The following DBH variants were observed in gnomAD, a reference collection of about 807,000 sequenced individuals.
DBH encodes the protein dopamine beta-hydroxylase (dopamine beta-monooxygenase).
A neutral mutation model predicts 64.0 loss-of-function variants in DBH; 49 were observed. The ratio of observed to expected loss-of-function variants is 0.77; its 90% CI spans 0.61 to 0.97. The LOEUF is 0.97. DBH is among the 50% of genes least tolerant of loss of function. DBH has a pLI of 0.00. For synonymous variants in DBH, 343 were observed against 347.1 expected (o/e 0.99, Z 0.13); for missense variants, 828 against 826.6 (o/e 1.00, Z -0.02).
At chr9:133,644,031 G>A (rs1399178998) in intron 4 of DBH, among the ~76,000 whole-genome samples, 187 bp from the exon 5 acceptor site, 1 of 152,166 alleles carries the variant, frequency 6.6e-6, no homozygotes, top group African/African-American at 2.4e-5. Flanking sequence ...TCCCTGACCC[G>A]AGTCTCACAG....
Position 133,656,551 on chromosome 9 carries a change from G to A in DBH, c.1463G>A (p.Cys488Tyr). 6.2e-7 allele frequency: 1 copy of A among 1,613,948 alleles called. No homozygotes were observed. Among genetic ancestry groups the A allele is most frequent in the Non-Finnish European group, 8.5e-7 (1 of 1,180,006 alleles). The change falls in exon 10 of 12, where the codon TGT becomes TAT. Residue 488 changes from cysteine (C) to tyrosine (Y), a missense_variant. By Grantham distance (194) the Cys-to-Tyr change is radical. Transcript: ENST00000393056. ...VGGFGILEEM[C>Y]VNYVHYYPQT... ...GGCTTCGGGATCCTGGAGGAGATGT[G>A]TGTCAACTACGTGCACTACTACCCC...
At chr9:133,656,868 G>A (rs1045629294) in intron 10 of DBH, among the ~76,000 whole-genome samples, 9 of 152,164 alleles carry the variant, frequency 5.9e-5, no homozygotes, top group East Asian at 3.9e-4. Context: ...TTACCCACCC[G>A]CCAAGGTGAC....
At chr9:133,656,027 G>C (rs555113909) in intron 9 of DBH, 14 of 236,540 alleles carry the variant, frequency 5.9e-5, no homozygotes, top group Middle Eastern at 1.6e-3. Context: ...TCCCCTCAGA[G>C]CCACGTTGGA....
At chr9:133,644,056 G>A (rs1012130812) in intron 4 of DBH, among the ~76,000 whole-genome samples, 162 bp from the exon 5 acceptor site, 3 of 152,168 alleles carry the variant, frequency 2.0e-5, no homozygotes, top group Admixed American at 6.5e-5. Flanking sequence ...TTCCTGGGGC[G>A]TGTAATGAGC....
intron 9 of DBH, chr9:133,655,215 C>G (rs1832301079): frequency 6.6e-6 from 1 of 152,280 alleles, no homozygotes; most frequent in African/African-American, 2.4e-5. Flanking sequence ...GGGAGGGCAG[C>G]TCCCCAGGTG....
In DBH at chr9:133,640,066, A is replaced by G. The variant is rs186593998; in HGVS notation, c.486+74A>G. The stretch of plus-strand genomic sequence containing the variant: ...TGCTGCCATCCTGTGCCAATGTCAT[A>G]GTACCTTTCCTGTCCCTGATAAGTC... On this transcript the variant is annotated intron_variant, in intron 2 of 11. Coordinates refer to ENST00000393056, the MANE Select transcript of DBH (RefSeq NM_000787.4). The G allele has an allele frequency of 1.8e-5, 28 of 1,580,562 alleles. No individual in the cohort carries two copies. The East Asian group carries it at 6.0e-4, about 34-fold the overall frequency.
chr9:133,647,736 C>T (rs989034628), intron 5 of DBH, 110 bp from the exon 6 acceptor site: 11 of 1,364,210 alleles, frequency 8.1e-6, no homozygotes, highest in African/African-American at 1.4e-5. Flanking sequence ...GGGTGACCGG[C>T]CCTGCCTCCT....
chr9:133,644,568 C>T (rs1832160029), intron 5 of DBH, among the ~76,000 whole-genome samples: 1 of 152,278 alleles, frequency 6.6e-6, no homozygotes, highest in Non-Finnish European at 1.5e-5. Context: ...CCACACCTCC[C>T]TCCTCGTCCC....
chr9:133,658,563 G>A lies in DBH; in HGVS notation c.*116G>A, dbSNP rs886063660. ...AGCCCTGCACGCCCAGGATGAAGGG[G>A]CCAGACCACGCCCCTGCCTGAGACC... On this transcript the variant is annotated 3_prime_UTR_variant, in exon 12 of 12. Coordinates refer to ENST00000393056, the MANE Select transcript of DBH (RefSeq NM_000787.4). 1.3e-5 allele frequency: 15 copies of A among 1,189,754 alleles called. No individual in the cohort carries two copies. The highest frequency in any genetic ancestry group is 1.8e-5 in the South Asian group (1 of 56,020). 73.7% of individuals were successfully genotyped at this position (1,189,754 alleles called of 1,614,324 possible).
At chr9:133,638,925 C>A (rs1400056666) in intron 1 of DBH, among the ~76,000 whole-genome samples, 1 of 152,116 alleles carries the variant, frequency 6.6e-6, no homozygotes, top group Non-Finnish European at 1.5e-5. Flanking sequence ...CCCCTTAGGG[C>A]CCAGTGCAAG....
chr9:133,649,302 C>T (rs1010569585), intron 6 of DBH, among the ~76,000 whole-genome samples: 1 of 152,182 alleles, frequency 6.6e-6, no homozygotes, highest in Non-Finnish European at 1.5e-5. Flanking sequence ...AACATTTCCT[C>T]CTGTGCGGTA....
In DBH at chr9:133,659,138, T is replaced by C. The variant is rs1222378885; in HGVS notation, c.*691T>C. ...GTGGAATTATTAGCACCAGCTTGCT[T>C]CTCTGCCGGTGGGGCCAGCGCTGAA... On this transcript the variant is annotated 3_prime_UTR_variant, in exon 12 of 12. Coordinates refer to ENST00000393056, the MANE Select transcript of DBH (RefSeq NM_000787.4). 1 of 152,200 alleles carries C rather than the reference T, an allele frequency of 6.6e-6. No individual in the cohort carries two copies. The highest frequency in any genetic ancestry group is 2.4e-5 in the African/African-American group (1 of 41,444). The allele number at this position is 152,200 out of a possible 1,614,324, so 9.4% of individuals were successfully genotyped here.
In DBH at chr9:133,643,988, G is replaced by C. The variant is rs754327710; in HGVS notation, c.922-230G>C. Among the ~76,000 whole-genome samples, 27 of 152,242 alleles carry C rather than the reference G, an allele frequency of 1.8e-4. No individual in the cohort carries two copies. The highest frequency in any genetic ancestry group is 2.4e-4 in the Non-Finnish European group (16 of 68,008). On this transcript the variant is annotated intron_variant, in intron 4 of 11. Coordinates refer to ENST00000393056, the MANE Select transcript of DBH (RefSeq NM_000787.4). The surrounding 1 kb of genome is among the most constrained non-coding windows in gnomAD (Gnocchi z 5.3). ...TCTAGAGAAGGGGTTTTGGGGGAAG[G>C]CTCAGCCCTAGGCACCAGCTCCTCT...
At position 133,643,938 on chromosome 9, in the gene DBH, G is replaced by T. The variant is rs1398598939; in HGVS notation, c.922-280G>T. ...GAGGCCTCCACAGGCTGAGACGATG[G>T]GGGTCTCCCCAGCTCTTACACCCGT... On this transcript the variant is annotated intron_variant, in intron 4 of 11. Transcript: ENST00000393056. The surrounding 1 kb of genome is among the most constrained non-coding windows in gnomAD (Gnocchi z 5.3). Among the ~76,000 whole-genome samples, 1 of 152,166 alleles carries T rather than the reference G, an allele frequency of 6.6e-6. No individual in the cohort carries two copies. The highest frequency in any genetic ancestry group is 1.5e-5 in the Non-Finnish European group (1 of 68,022).
At chr9:133,650,393 A>T (rs1832231305) in intron 6 of DBH, among the ~76,000 whole-genome samples, 1 of 152,148 alleles carries the variant, frequency 6.6e-6, no homozygotes, top group Non-Finnish European at 1.5e-5. Flanking sequence ...TGACTCACAA[A>T]GAAAATGCTC....
chr9:133,642,922 G>A (rs1037599214), intron 3 of DBH, among the ~76,000 whole-genome samples: 4 of 152,152 alleles, frequency 2.6e-5, no homozygotes, highest in African/African-American at 9.7e-5. Context: ...TTCATCATAA[G>A]AGCCCCTAGT....
rs1303231322 is a variant in DBH, at chr9:133,658,614, C to T, written c.*167C>T. On this transcript the variant is annotated 3_prime_UTR_variant, in exon 12 of 12. Transcript: ENST00000393056. ...ACGGTCCAATCCAGCCTTCTTCCCC[C>T]AGGGTCCCCTGCATGGCTGAGAGGG... The T allele has an allele frequency of 3.8e-6, 3 of 793,682 alleles. No individual in the cohort carries two copies. The highest frequency in any genetic ancestry group is 5.7e-6 in the Non-Finnish European group (3 of 528,294). The allele number at this position is 793,682 out of a possible 1,614,324, so 49.2% of individuals were successfully genotyped here.
At chr9:133,656,936 G>T in intron 10 of DBH, 134 bp from the exon 11 acceptor site, 1 of 1,092,154 alleles carries the variant, frequency 9.2e-7, no homozygotes. Flanking sequence ...GGCGGAGGCA[G>T]CGGGGCTGGG....
At chr9:133,648,446 A>C (rs1056393304) in intron 6 of DBH, among the ~76,000 whole-genome samples, 1 of 152,222 alleles carries the variant, frequency 6.6e-6, no homozygotes, top group African/African-American at 2.4e-5. Flanking sequence ...TATTTCAGGA[A>C]GCTCTTGCAG....
Sources: gnomAD v4.1 joint callset for allele counts (sites outside exome capture counted in the v4.1 genomes callset) on GRCh38, gnomAD v4.1.1 for gene constraint, Gnocchi (gnomAD v3.1) non-coding constraint, MANE v1.5 for transcripts, NCBI Gene and HGNC (gene_info 2026-07-23, HGNC 2026-07-21) for gene names.